Variants in KCNE2 observed in about 807,000 individuals in gnomAD.
KCNE2 encodes potassium voltage-gated channel subfamily E regulatory subunit 2.
A neutral mutation model predicts 4.5 loss-of-function variants in KCNE2; 4 were observed. That is an observed-to-expected ratio of 0.89 (90% CI 0.44 to 2.03). The LOEUF (loss-of-function observed/expected upper bound fraction) is 2.03. Among genes scored for constraint, KCNE2 ranks in the 30% most tolerant of loss-of-function variants. The pLI, the probability that KCNE2 is intolerant of heterozygous loss-of-function variation, is 0.03. For synonymous variants in KCNE2, 57 were observed against 55.9 expected (o/e 1.02, Z -0.09); for missense variants, 137 against 151.4 (o/e 0.90, Z 0.50).
rs915646895 is a variant in KCNE2, at chr21:34,370,983, A to G, written c.*133A>G. ...CTCTCTGTTGAGAATTTTCATGGAG[A>G]TTATGTGGTTGGCCAATAAAGATAG... On this transcript the variant is annotated 3_prime_UTR_variant, in exon 2 of 2. Coordinates refer to ENST00000290310, the MANE Select transcript of KCNE2 (RefSeq NM_172201.2). 2 of 1,127,464 alleles carry G rather than the reference A, an allele frequency of 1.8e-6. No individual in the cohort carries two copies. Among genetic ancestry groups the G allele is most frequent in the Admixed American group, 4.0e-5 (2 of 49,806 alleles). 69.8% of individuals were successfully genotyped at this position (1,127,464 alleles called of 1,614,324 possible).
intron 1 of KCNE2, among the ~76,000 whole-genome samples, chr21:34,364,855 G>C (rs1442605731): frequency 2.0e-5 from 3 of 152,100 alleles, no homozygotes; most frequent in Non-Finnish European, 4.4e-5. Flanking sequence ...CCTGATTGCT[G>C]TTGTCATGAA....
chr21:34,366,780 C>G (rs931920203), intron 1 of KCNE2, among the ~76,000 whole-genome samples: 1 of 151,508 alleles, frequency 6.6e-6, no homozygotes, highest in Non-Finnish European at 1.5e-5. Flanking sequence ...GAGATCGAGA[C>G]CATCCTGGCT....
At chr21:34,367,557 AAAT>A (rs1979363272) in intron 1 of KCNE2, among the ~76,000 whole-genome samples, 1 of 152,182 alleles carries the variant, frequency 6.6e-6, no homozygotes, top group Non-Finnish European at 1.5e-5. Flanking sequence ...AGAGCTCTCT[AAAT>A]AATAGAACTT....
At chr21:34,365,363 T>C (rs28409368) in intron 1 of KCNE2, among the ~76,000 whole-genome samples, 49,785 of 152,118 alleles carry the variant, frequency 0.33, 8,585 homozygotes, top group African/African-American at 0.43. Flanking sequence ...TGTCTTAGCA[T>C]TACTAAAGTA....
At chr21:34,370,061 T>C (rs1384601287) in intron 1 of KCNE2, among the ~76,000 whole-genome samples, 1 of 152,230 alleles carries the variant, frequency 6.6e-6, no homozygotes, top group African/African-American at 2.4e-5. Context: ...AATGCAAGAC[T>C]GCTGATGAAA....
rs565977693 is a variant in KCNE2 at position 34,366,334 on chromosome 21, T to G, written c.-13+2183T>G. Among the ~76,000 whole-genome samples the G allele has an allele frequency of 3.4e-4, 52 of 152,248 alleles. 1 individual carries two copies. The South Asian group carries it at 0.011, about 32-fold the overall frequency. On this transcript the variant is annotated intron_variant, in intron 1 of 1. Coordinates refer to ENST00000290310, the MANE Select transcript of KCNE2 (RefSeq NM_172201.2). ...AAAAATTAAGTCACATCATTTTATT[T>G]TACTTTTCGAGGGATCTTTAACACC...
At chr21:34,366,256 C>T (rs1445974493) in intron 1 of KCNE2, among the ~76,000 whole-genome samples, 1 of 152,110 alleles carries the variant, frequency 6.6e-6, no homozygotes, top group Non-Finnish European at 1.5e-5. Flanking sequence ...TCCCAGGAGT[C>T]CCCTGAAATT....
At chr21:34,370,435 C>T (rs1217898823) in intron 1 of KCNE2, 32 bp from the exon 2 acceptor site, 26 of 1,613,910 alleles carry the variant, frequency 1.6e-5, no homozygotes, top group Non-Finnish European at 2.2e-5. Flanking sequence ...TTTTCCTAAC[C>T]TTGTTCGCCT....
At chr21:34,365,180 G>A (rs930492148) in intron 1 of KCNE2, among the ~76,000 whole-genome samples, 2 of 152,148 alleles carry the variant, frequency 1.3e-5, no homozygotes, top group African/African-American at 4.8e-5. Flanking sequence ...CTATCAGAGA[G>A]CAAACCAGCC....
chr21:34,369,304 C>T (rs766772686), intron 1 of KCNE2, among the ~76,000 whole-genome samples: 6 of 152,164 alleles, frequency 3.9e-5, no homozygotes, highest in Non-Finnish European at 7.3e-5. Flanking sequence ...AATCCCAGCA[C>T]TTTGGGAGGC....
At chr21:34,366,715 C>G (rs1196615324) in intron 1 of KCNE2, among the ~76,000 whole-genome samples, 1 of 152,014 alleles carries the variant, frequency 6.6e-6, no homozygotes, top group Non-Finnish European at 1.5e-5. Context: ...CACGGTGGCT[C>G]ACGCCTGTAA....
rs74275688 is a variant in KCNE2 at position 34,370,153 on chromosome 21, C to A, written c.-12-314C>A. Among the ~76,000 whole-genome samples the A allele has an allele frequency of 1.0e-3, 156 of 152,286 alleles. 4 individuals are homozygous for A. The East Asian group carries it at 0.028, about 27-fold the overall frequency. On this transcript the variant is annotated intron_variant, in intron 1 of 1. Coordinates refer to ENST00000290310, the MANE Select transcript of KCNE2 (RefSeq NM_172201.2). ...CACTGTTAACATTCTGATCTATGTA[C>A]TTCTAATATTTTCTCCATTTTCATA...
At chr21:34,368,229 A>ACACAATATATATAT (rs781775671) in intron 1 of KCNE2, among the ~76,000 whole-genome samples, 2 of 84,808 alleles carry the variant, frequency 2.4e-5, no homozygotes, top group Non-Finnish European at 4.0e-5. Context: ...ACACACACAC[A>ACACAATATATATAT]ATATATATAT....
At chr21:34,368,215 ACACACACACACACAATATAT>A (rs1979393699) in intron 1 of KCNE2, among the ~76,000 whole-genome samples, 2 of 95,974 alleles carry the variant, frequency 2.1e-5, no homozygotes, top group South Asian at 7.6e-4. Context: ...ACACACACAC[ACACACACACACACAATATAT>A]ATATATATAT....
rs1979197667 is a variant in KCNE2, at chr21:34,364,167, C to A, written c.-13+16C>A. 6.6e-6 allele frequency: 1 copy of A among 152,186 alleles called. No individual in the cohort carries two copies. Among genetic ancestry groups the A allele is most frequent in the Non-Finnish European group, 1.5e-5 (1 of 68,040 alleles). The allele number at this position is 152,186 out of a possible 1,614,324, so 9.4% of individuals were successfully genotyped here. On this transcript the variant is annotated intron_variant, in intron 1 of 1. Transcript: ENST00000290310. Reference sequence around the variant, plus strand: ...CACTGCATAGGTAAGTCTTAGCACACATTCTTTATTTTTTGAGGAATTAAG... The same window carrying A: ...CACTGCATAGGTAAGTCTTAGCACAAATTCTTTATTTTTTGAGGAATTAAG...
intron 1 of KCNE2, among the ~76,000 whole-genome samples, chr21:34,369,264 C>A (rs1271081043): frequency 6.6e-6 from 1 of 152,160 alleles, no homozygotes; most frequent in East Asian, 1.9e-4. Context: ...CAAAAAGGCA[C>A]ATTGGCTGTG....
intron 1 of KCNE2, among the ~76,000 whole-genome samples, chr21:34,367,196 C>G (rs1354066196): frequency 6.7e-6 from 1 of 149,048 alleles, no homozygotes. Flanking sequence ...CATGGTGGCT[C>G]AAACCTGTAA....
Position 34,370,964 on chromosome 21 carries a change from G to A in KCNE2, c.*114G>A, listed in dbSNP as rs72550219. 2.8e-4 allele frequency: 378 copies of A among 1,341,722 alleles called. 1 individual carries two copies. The African/African-American group carries it at 4.7e-3, about 17-fold the overall frequency. 83.1% of individuals were successfully genotyped at this position (1,341,722 alleles called of 1,614,324 possible). ...GAAGAAAGTGAGTTCCTTGCTCTCT[G>A]TTGAGAATTTTCATGGAGATTATGT... On this transcript the variant is annotated 3_prime_UTR_variant, in exon 2 of 2. Transcript: ENST00000290310.
At chr21:34,365,394 A>G (rs1979248415) in intron 1 of KCNE2, among the ~76,000 whole-genome samples, 1 of 152,226 alleles carries the variant, frequency 6.6e-6, no homozygotes, top group African/African-American at 2.4e-5. Context: ...ATGATATTCT[A>G]CTTAGGGGTA....
Sources: gnomAD v4.1 joint callset for allele counts (sites outside exome capture counted in the v4.1 genomes callset) on GRCh38, gnomAD v4.1.1 for gene constraint, MANE v1.5 for transcripts, NCBI Gene and HGNC (gene_info 2026-07-23, HGNC 2026-07-21) for gene names.